The following DUSP22 variants were observed in gnomAD, a reference collection of about 807,000 sequenced individuals.
DUSP22 encodes the protein dual specificity phosphatase 22.
DUSP22 carries 24 observed loss-of-function variants against 24.5 expected under a neutral mutation model. That is an observed-to-expected ratio of 0.98 (90% CI 0.71 to 1.38). The LOEUF is 1.38. DUSP22 is among the 40% of genes most tolerant of loss of function. The pLI, the probability that DUSP22 is intolerant of heterozygous loss-of-function variation, is 0.00. For synonymous variants in DUSP22, 160 were observed against 106.4 expected, an observed-to-expected ratio of 1.50 and a Z score of -3.10; for missense variants, 330 against 269.2, an observed-to-expected ratio of 1.23 and a Z score of -1.58.
chr6:332,644 C>CTTTTTTTTTTTTTT (rs3053546), intron 3 of DUSP22, among the ~76,000 whole-genome samples: 11 of 148,064 alleles, frequency 7.4e-5, no homozygotes, highest in Non-Finnish European at 1.3e-4. Context: ...TCCTGTCCTT[C>CTTTTTTTTTTTTTT]TTTTTTTTTT....
Position 335,183 on chromosome 6 carries a change from A to G in DUSP22, c.188+20A>G. On this transcript the variant is annotated intron_variant, in intron 4 of 6. Coordinates refer to ENST00000419235, the MANE Select transcript of DUSP22 (RefSeq NM_001286555.3). ...AAACCTGTAAGTTTCTTATTTCTGT[A>G]TTATTTGGAGACATTTAAAAAAATG... 1.2e-6 allele frequency: 2 copies of G among 1,611,814 alleles called. No homozygotes were observed. Among genetic ancestry groups the G allele is most frequent in the Admixed American group, 3.3e-5 (2 of 59,964 alleles).
intron 4 of DUSP22, among the ~76,000 whole-genome samples, chr6:339,066 A>G (rs1453287971): frequency 2.0e-5 from 3 of 152,306 alleles, no homozygotes; most frequent in African/African-American, 7.2e-5. Flanking sequence ...CAGGAAATGT[A>G]AAAGTTCAAG....
chr6:340,330 C>T (rs1759550697), intron 4 of DUSP22, among the ~76,000 whole-genome samples: 1 of 152,310 alleles, frequency 6.6e-6, no homozygotes, highest in African/African-American at 2.4e-5. Context: ...AACATTCTTC[C>T]CACTTACCTC....
intron 4 of DUSP22, among the ~76,000 whole-genome samples, chr6:342,383 C>A (rs1759650123): frequency 6.6e-6 from 1 of 152,306 alleles, no homozygotes; most frequent in African/African-American, 2.4e-5. Flanking sequence ...GCAGCGTGAG[C>A]AGCCTGGGGG....
At position 304,745 on chromosome 6, in the gene DUSP22, A is replaced by G. The variant is rs1581148603; in HGVS notation, c.55+84A>G. ...TTGACCATTTTAAAGTGTATAGGTCAGTGGCTTTAAGTAATTTGCATTGCT... is the reference window on the plus strand; with the variant it reads ...TTGACCATTTTAAAGTGTATAGGTCGGTGGCTTTAAGTAATTTGCATTGCT... On this transcript the variant is annotated intron_variant, in intron 2 of 6. Transcript: ENST00000419235. 3.2e-6 allele frequency: 5 copies of G among 1,569,528 alleles called. No individual in the cohort carries two copies. In the East Asian group the frequency reaches 1.1e-4, roughly 35 times the overall value.
chr6:344,916 C>G (rs1360956649), intron 4 of DUSP22, among the ~76,000 whole-genome samples: 1 of 152,304 alleles, frequency 6.6e-6, no homozygotes, highest in African/African-American at 2.4e-5. Context: ...GTGGCCTGCA[C>G]CATCCACAGC....
intron 1 of DUSP22, among the ~76,000 whole-genome samples, chr6:296,775 A>G (rs1383864839): frequency 5.9e-5 from 9 of 152,292 alleles, no homozygotes; most frequent in Non-Finnish European, 2.9e-5. Flanking sequence ...CTTTATCTTG[A>G]TCAGCCTAAA....
chr6:311,993 G>C (rs1250326530), intron 3 of DUSP22, 31 bp downstream of exon 3: 3 of 1,597,382 alleles, frequency 1.9e-6, no homozygotes, highest in Non-Finnish European at 2.6e-6. Flanking sequence ...GTGTGTGGGT[G>C]TCCTCATTTG....
intron 3 of DUSP22, among the ~76,000 whole-genome samples, chr6:312,416 G>A (rs1008889981): frequency 4.6e-5 from 7 of 152,238 alleles, no homozygotes; most frequent in Non-Finnish European, 8.8e-5. Context: ...GGGTTCCCAG[G>A]GCCGCTCTAA....
chr6:335,475 C>T (rs1759320652), intron 4 of DUSP22, among the ~76,000 whole-genome samples: 1 of 152,300 alleles, frequency 6.6e-6, no homozygotes, highest in East Asian at 1.9e-4. Flanking sequence ...AGAAATAAAA[C>T]CGTGAAGGAT....
At chr6:318,662 C>G (rs578089529) in intron 3 of DUSP22, among the ~76,000 whole-genome samples, 1 of 152,424 alleles carries the variant, frequency 6.6e-6, no homozygotes, top group East Asian at 1.9e-4. Context: ...GTCACAGAAG[C>G]TATAGGTTGC....
chr6:334,719 C>A (rs554765022), intron 3 of DUSP22, among the ~76,000 whole-genome samples: 1 of 152,310 alleles, frequency 6.6e-6, no homozygotes, highest in African/African-American at 2.4e-5. Flanking sequence ...TTTTTACTTA[C>A]GAACAGTGCT....
At chr6:308,398 C>T (rs1312318717) in intron 2 of DUSP22, among the ~76,000 whole-genome samples, 1 of 152,302 alleles carries the variant, frequency 6.6e-6, no homozygotes, top group Non-Finnish European at 1.5e-5. Context: ...ATTAAAGTTC[C>T]AGGGTCATCA....
At position 350,744 on chromosome 6, in the gene DUSP22, A is replaced by G; in HGVS notation, c.*1793A>G. On this transcript the variant is annotated 3_prime_UTR_variant, in exon 7 of 7. Coordinates refer to ENST00000419235, the MANE Select transcript of DUSP22 (RefSeq NM_001286555.3). The stretch of plus-strand genomic sequence containing the variant: ...TGAATGCTTAAATATGTGCACCTTT[A>G]CAAACCTCTCAGTGTATTCTTGGAG... 1 of 1,613,270 alleles carries G rather than the reference A, an allele frequency of 6.2e-7. No individual in the cohort carries two copies. Among genetic ancestry groups the G allele is most frequent in the East Asian group, 2.2e-5 (1 of 44,868 alleles).
At chr6:304,188 G>A (rs535165872) in intron 1 of DUSP22, among the ~76,000 whole-genome samples, 292 of 152,280 alleles carry the variant, frequency 1.9e-3, no homozygotes, top group African/African-American at 6.1e-3. Flanking sequence ...TCACTGAGCC[G>A]GGGGCCAACC....
At chr6:347,975 C>G (rs1361532246) in intron 5 of DUSP22, 128 bp from the exon 6 acceptor site, 5 of 1,392,302 alleles carry the variant, frequency 3.6e-6, no homozygotes, top group South Asian at 1.3e-5. Context: ...AGCTTGCTGT[C>G]CACATATAAT....
intron 1 of DUSP22, among the ~76,000 whole-genome samples, chr6:294,244 T>C (rs571153847): frequency 6.6e-6 from 1 of 152,408 alleles, no homozygotes; most frequent in South Asian, 2.1e-4. Context: ...GAATAGAGAC[T>C]CACAGTGTAT....
Position 350,850 on chromosome 6 carries a change from CT to C in DUSP22, c.*1902del. On this transcript the variant is annotated 3_prime_UTR_variant, in exon 7 of 7. Transcript: ENST00000419235. Reference sequence around the variant, plus strand: ...CTCCGGGAATTCTGAAGTTCTGGGCCTTTCTCAGAAGACTGTAATGTACCTG... The same window carrying C: ...CTCCGGGAATTCTGAAGTTCTGGGCCTTCTCAGAAGACTGTAATGTACCTG... The C allele has an allele frequency of 1.2e-6, 2 of 1,614,264 alleles. No homozygotes were observed. The highest frequency in any genetic ancestry group is 1.7e-6 in the Non-Finnish European group (2 of 1,180,028).
Position 349,190 on chromosome 6 carries a change from C to T in DUSP22, c.*239C>T, listed in dbSNP as rs530179244. The T allele has an allele frequency of 3.7e-4, 527 of 1,422,344 alleles. No individual in the cohort carries two copies. The highest frequency in any genetic ancestry group is 2.3e-3 in the Middle Eastern group (9 of 3,874). 88.1% of individuals were successfully genotyped at this position (1,422,344 alleles called of 1,614,324 possible). A position where few individuals can be genotyped will look rare whatever the true frequency, so the allele number is the denominator to read the frequency against. ...CTGGGGATGTTGCCCAGTGGCTGTGCACTGCTCTGTGCACGTGCGTGTGTG... is the reference window on the plus strand; with the variant it reads ...CTGGGGATGTTGCCCAGTGGCTGTGTACTGCTCTGTGCACGTGCGTGTGTG... On this transcript the variant is annotated 3_prime_UTR_variant, in exon 7 of 7. Transcript: ENST00000419235.
Sources: allele counts gnomAD v4.1 joint callset (sites outside exome capture counted in the v4.1 genomes callset), GRCh38; gene constraint gnomAD v4.1.1; transcripts MANE v1.5; gene names NCBI Gene and HGNC (gene_info 2026-07-23, HGNC 2026-07-21).